The following YTHDF3 variants were observed in gnomAD, a reference collection of about 807,000 sequenced individuals.
The protein encoded by YTHDF3 is YTH N6-methyladenosine RNA binding protein F3, also known as YTH domain-containing family protein 3.
In YTHDF3, 9 loss-of-function variants were observed where a neutral mutation model predicts 52.5. The observed-to-expected ratio is 0.17, with a 90% CI of 0.10 to 0.30. The LOEUF (loss-of-function observed/expected upper bound fraction) is 0.30. YTHDF3 is among the 10% of genes least tolerant of loss of function. The probability of loss-of-function intolerance (pLI) is 1.00; values close to 1 mark genes in which losing one functional copy is unlikely to be tolerated. For synonymous variants in YTHDF3, 274 were observed against 243.3 expected (o/e 1.13, Z -1.18); for missense variants, 534 against 715.0 (o/e 0.75, Z 2.89).
intron 4 of YTHDF3, among the ~76,000 whole-genome samples, chr8:63,204,355 T>TGTG (rs1338774431): frequency 1.7e-4 from 25 of 151,214 alleles, no homozygotes; most frequent in African/African-American, 6.1e-4. Flanking sequence ...TTTTTGTGTG[T>TGTG]TTGTTGTTTT....
chr8:63,204,299 C>T (rs1809839291), intron 4 of YTHDF3, among the ~76,000 whole-genome samples: 2 of 151,174 alleles, frequency 1.3e-5, no homozygotes, highest in African/African-American at 4.9e-5. Flanking sequence ...CTTAATTAAT[C>T]TACTGATTTT....
chr8:63,176,762 C>G (rs981564875), intron 3 of YTHDF3, among the ~76,000 whole-genome samples: 1 of 152,006 alleles, frequency 6.6e-6, no homozygotes, highest in Non-Finnish European at 1.5e-5. Flanking sequence ...ACTCCAACCT[C>G]TGCCTCCCAG....
At chr8:63,174,975 A>G (rs1415124701) in intron 2 of YTHDF3, among the ~76,000 whole-genome samples, 1 of 152,216 alleles carries the variant, frequency 6.6e-6, no homozygotes, top group Non-Finnish European at 1.5e-5. Context: ...GCTACTTGAA[A>G]TAGTTATTTT....
chr8:63,210,404 A>G lies in YTHDF3; in HGVS notation c.*698A>G, dbSNP rs1208549894. ...TTCCCTCCTCCCCCCATTAATATGT[A>G]TACTGAAAAATGTGCATTTGTCTGA... is the stretch of plus-strand genomic sequence containing the variant. On this transcript the variant is annotated 3_prime_UTR_variant, in exon 5 of 5. Coordinates refer to ENST00000539294, the MANE Select transcript of YTHDF3 (RefSeq NM_152758.6). 2.0e-5 allele frequency: 3 copies of G among 152,574 alleles called. No homozygotes were observed. Among genetic ancestry groups the G allele is most frequent in the Non-Finnish European group, 2.9e-5 (2 of 68,000 alleles). 9.5% of individuals were successfully genotyped at this position (152,574 alleles called of 1,614,324 possible).
chr8:63,186,180 A>G lies in YTHDF3; in HGVS notation c.169A>G (p.Met57Val), dbSNP rs1472505316. 2 of 1,613,882 alleles carry G rather than the reference A, an allele frequency of 1.2e-6. No individual in the cohort carries two copies. Among genetic ancestry groups the G allele is most frequent in the South Asian group, 1.1e-5 (1 of 91,076 alleles). The change falls in exon 4 of 5, where the codon ATG becomes GTG. Residue 57 changes from methionine to valine, a missense_variant. Coordinates refer to ENST00000539294, the MANE Select transcript of YTHDF3 (RefSeq NM_152758.6). Reference sequence around the variant, plus strand: ...CTATCCACCAATGTCAGATCCATACATGCCTAGTTACTATGCTCCATCCAT... The same window carrying G: ...CTATCCACCAATGTCAGATCCATACGTGCCTAGTTACTATGCTCCATCCAT... ...NSYPPMSDPYMPSYYAPSIGF... is the reference protein window; with the variant it reads ...NSYPPMSDPYVPSYYAPSIGF...
intron 4 of YTHDF3, among the ~76,000 whole-genome samples, chr8:63,191,316 T>C (rs1343063080): frequency 1.3e-5 from 2 of 152,200 alleles, no homozygotes; most frequent in African/African-American, 4.8e-5. Flanking sequence ...CTGTTGGTTC[T>C]TTATTCTTTT....
At position 63,175,341 on chromosome 8, in the gene YTHDF3, A is replaced by G. The variant is rs1447705788; in HGVS notation, c.60A>G (p.Gln20=). 8 of 1,608,506 alleles carry G rather than the reference A, an allele frequency of 5.0e-6. No homozygotes were observed. The highest frequency in any genetic ancestry group is 1.1e-5 in the South Asian group (1 of 90,178). ...CAAACATTTTTTTAGTTTCAGTACAAAACGGTTCGATTCATCAAAAAGATG... is the reference window on the plus strand; with the variant it reads ...CAAACATTTTTTTAGTTTCAGTACAGAACGGTTCGATTCATCAAAAAGATG... ...PKGQGNKVSV[Q]NGSIHQKDAV... Residue 20 remains glutamine (Q), a synonymous_variant, in exon 3 of 5, where the codon CAA becomes CAG. Transcript: ENST00000539294.
intron 4 of YTHDF3, among the ~76,000 whole-genome samples, chr8:63,209,126 C>G (rs569849731): frequency 4.4e-4 from 67 of 152,250 alleles, no homozygotes; most frequent in Middle Eastern, 3.4e-3. Context: ...TCTCGGCCTC[C>G]CAGAGTGCTG....
At chr8:63,169,901 A>G (rs1402963791) in intron 2 of YTHDF3, among the ~76,000 whole-genome samples, 1 of 152,242 alleles carries the variant, frequency 6.6e-6, no homozygotes, top group East Asian at 1.9e-4. Flanking sequence ...GAGAGAGGTT[A>G]GAACTGAGTA....
At chr8:63,187,828 TTC>T (rs1808627548) in intron 4 of YTHDF3, 83 bp downstream of exon 4, 2 of 1,433,184 alleles carry the variant, frequency 1.4e-6, no homozygotes, top group African/African-American at 2.9e-5. Flanking sequence ...TTTAAGAACT[TTC>T]TGTGAAGGAA....
chr8:63,187,392 C>T lies in YTHDF3; in HGVS notation c.1381C>T (p.Leu461Phe). The change falls in exon 4 of 5, where the codon CTC becomes TTC. Residue 461 changes from leucine (L) to phenylalanine (F), a missense_variant. Coordinates refer to ENST00000539294, the MANE Select transcript of YTHDF3 (RefSeq NM_152758.6). ...AYRSLNGKGP[L>F]YLLFSVNGSG... ...CCGTTCCCTGAATGGGAAAGGCCCA[C>T]TCTATTTACTCTTCAGTGTGAATGG... 1.2e-6 allele frequency: 2 copies of T among 1,613,994 alleles called. No individual in the cohort carries two copies. The highest frequency in any genetic ancestry group is 1.1e-5 in the South Asian group (1 of 91,078).
intron 3 of YTHDF3, among the ~76,000 whole-genome samples, chr8:63,182,506 A>T (rs1808209924): frequency 6.6e-6 from 1 of 152,194 alleles, no homozygotes; most frequent in Non-Finnish European, 1.5e-5. Context: ...TAGACAAATT[A>T]AGAACTTGAT....
In YTHDF3 at chr8:63,211,911, G is replaced by A. The variant is rs1810389428; in HGVS notation, c.*2205G>A. 1 of 152,442 alleles carries A rather than the reference G, an allele frequency of 6.6e-6. No homozygotes were observed. Among genetic ancestry groups the A allele is most frequent in the Non-Finnish European group, 1.5e-5 (1 of 68,004 alleles). The allele number at this position is 152,442 out of a possible 1,614,324, so 9.4% of individuals were successfully genotyped here. A position where few individuals can be genotyped will look rare whatever the true frequency, so the allele number is the denominator to read the frequency against. ...ATAATTTTGTGTTTTTCTCATATAA[G>A]TTTTCTCCAGAGCACCCACCTTCTC... On this transcript the variant is annotated 3_prime_UTR_variant, in exon 5 of 5. Coordinates refer to ENST00000539294, the MANE Select transcript of YTHDF3 (RefSeq NM_152758.6).
chr8:63,206,974 G>T (rs1166781026), intron 4 of YTHDF3, among the ~76,000 whole-genome samples: 2 of 151,988 alleles, frequency 1.3e-5, no homozygotes, highest in African/African-American at 4.8e-5. Context: ...GTATACCTTG[G>T]TAAAATATGT....
intron 4 of YTHDF3, among the ~76,000 whole-genome samples, chr8:63,190,859 T>G (rs1380730662): frequency 6.6e-6 from 1 of 152,210 alleles, no homozygotes; most frequent in East Asian, 1.9e-4. Flanking sequence ...TTAATTCAGC[T>G]GAAGTTTTTC....
chr8:63,192,071 C>T (rs1450519447), intron 4 of YTHDF3, among the ~76,000 whole-genome samples: 1 of 152,136 alleles, frequency 6.6e-6, no homozygotes, highest in East Asian at 1.9e-4. Flanking sequence ...TTTGTGTAAC[C>T]ACCCTATCAG....
Position 63,182,955 on chromosome 8 carries a change from CTTT to C in YTHDF3, c.136-3179_136-3177del, listed in dbSNP as rs11381385. On this transcript the variant is annotated intron_variant, in intron 3 of 4. Coordinates refer to ENST00000539294, the MANE Select transcript of YTHDF3 (RefSeq NM_152758.6). ...GGATGAAGACAGTAGACAGTTTTAT[CTTT>C]TTTTTTTTTTTTCTTTTTTGAGACA... 2.8e-5 allele frequency among the ~76,000 whole-genome samples: 4 copies of C among 143,622 alleles called. No homozygotes were observed. The Admixed American group carries it at 2.8e-4, about 10-fold the overall frequency. The allele number at this position is 143,622 out of a possible 152,430, so 94.2% of individuals were successfully genotyped here.
At chr8:63,208,711 GATAA>G (rs768523051) in intron 4 of YTHDF3, among the ~76,000 whole-genome samples, 4 of 152,186 alleles carry the variant, frequency 2.6e-5, no homozygotes, top group Non-Finnish European at 5.9e-5. Context: ...AAGTGTTACA[GATAA>G]ATACTTGATT....
intron 4 of YTHDF3, among the ~76,000 whole-genome samples, chr8:63,197,511 T>C (rs971930540): frequency 1.3e-5 from 2 of 152,204 alleles, no homozygotes; most frequent in African/African-American, 4.8e-5. Flanking sequence ...AGTAACATAA[T>C]TGTTTAAAGA....
Sources: allele counts gnomAD v4.1 joint callset (sites outside exome capture counted in the v4.1 genomes callset), GRCh38; gene constraint gnomAD v4.1.1; transcripts MANE v1.5; gene names NCBI Gene and HGNC (gene_info 2026-07-23, HGNC 2026-07-21).